The following DMD variants were observed in gnomAD, a reference collection of about 807,000 sequenced individuals.
DMD encodes the protein mutant dystrophin.
A neutral mutation model predicts 330.1 loss-of-function variants in DMD; 63 were observed. The ratio of observed to expected loss-of-function variants is 0.19; its 90% CI spans 0.16 to 0.24. The LOEUF (loss-of-function observed/expected upper bound fraction) is 0.24. Ranked by LOEUF, DMD falls within the 10% of genes least tolerant of loss-of-function variation. The probability of loss-of-function intolerance (pLI) is 1.00; values close to 1 mark genes in which losing one functional copy is unlikely to be tolerated. For synonymous variants in DMD, 1,223 were observed against 959.8 expected (o/e 1.27, Z -5.07); for missense variants, 3,344 against 2,684.1 (o/e 1.25, Z -5.43).
intron 2 of DMD, among the ~76,000 whole-genome samples, chrX:32,851,260 C>CAA (rs71917620): frequency 0.076 from 8,526 of 111,458 alleles, 775 homozygotes; most frequent in African/African-American, 0.26. Context: ...CCGGGTACTT[C>CAA]AAGCAGGGAA....
intron 76 of DMD, among the ~76,000 whole-genome samples, chrX:31,144,026 G>A (rs2036393154): frequency 8.9e-6 from 1 of 111,851 alleles, no homozygotes; most frequent in South Asian, 3.8e-4. Flanking sequence ...ATCTGACACA[G>A]AGATTGCCTT....
intron 50 of DMD, among the ~76,000 whole-genome samples, chrX:31,806,250 G>T (rs997469415): frequency 7.2e-5 from 8 of 111,422 alleles, no homozygotes; most frequent in African/African-American, 2.6e-4. Flanking sequence ...TGTCTTCCAA[G>T]ATTCAAATGG....
At chrX:32,808,091 T>A (rs960185645) in intron 7 of DMD, among the ~76,000 whole-genome samples, 1 of 111,437 alleles carries the variant, frequency 9.0e-6, no homozygotes, top group Non-Finnish European at 1.9e-5. Context: ...GTACTACGAG[T>A]CAATAGTAAA....
At chrX:31,717,151 C>A (rs1489066299) in intron 52 of DMD, among the ~76,000 whole-genome samples, 1 of 111,582 alleles carries the variant, frequency 9.0e-6, no homozygotes, top group African/African-American at 3.3e-5. Context: ...GTATAAAGCA[C>A]AGCACAAATC....
chrX:31,895,002 CT>C (rs1482312131), intron 47 of DMD, among the ~76,000 whole-genome samples: 2 of 111,670 alleles, frequency 1.8e-5, no homozygotes, highest in Non-Finnish European at 3.8e-5. Context: ...TATTTAGGGC[CT>C]TTTATATGCC....
chrX:31,512,418 G>C (rs2071713779), intron 55 of DMD, among the ~76,000 whole-genome samples: 1 of 103,983 alleles, frequency 9.6e-6, no homozygotes, highest in African/African-American at 3.5e-5. Context: ...CCATGCCTAT[G>C]TCCTGAATGG....
At chrX:32,756,156 AG>A (rs1374183035) in intron 7 of DMD, 1 of 112,473 alleles carries the variant, frequency 8.9e-6, no homozygotes, top group South Asian at 3.7e-4. Flanking sequence ...TTTGTTCCAC[AG>A]AAGAAAGAAT....
chrX:31,648,705 C>T (rs1309779681), intron 54 of DMD, among the ~76,000 whole-genome samples: 3 of 99,172 alleles, frequency 3.0e-5, no homozygotes, highest in Non-Finnish European at 6.0e-5. Flanking sequence ...AAATGACATC[C>T]CTTTTTAGGG....
chrX:32,429,398 T>TTTTTTTTTTTTTTA (rs2098228249), intron 29 of DMD, among the ~76,000 whole-genome samples: 1 of 80,609 alleles, frequency 1.2e-5, no homozygotes, highest in Non-Finnish European at 2.4e-5. Flanking sequence ...TTTTTTTTTT[T>TTTTTTTTTTTTTTA]TTTTTTTTTT....
intron 67 of DMD, among the ~76,000 whole-genome samples, chrX:31,189,010 CT>C (rs1238111781): frequency 9.1e-6 from 1 of 109,942 alleles, no homozygotes; most frequent in Non-Finnish European, 1.9e-5. Context: ...TTCCGAAGAA[CT>C]TTTGGATTTC....
At chrX:32,354,025 G>A (rs981299337) in intron 37 of DMD, among the ~76,000 whole-genome samples, 2 of 111,488 alleles carry the variant, frequency 1.8e-5, no homozygotes, top group African/African-American at 3.2e-5. Context: ...ATTGTAAATT[G>A]AAAGCATTCA....
At chrX:33,027,452 G>GA (rs1254159568) in intron 1 of DMD, among the ~76,000 whole-genome samples, 8 of 112,476 alleles carry the variant, frequency 7.1e-5, no homozygotes, top group Non-Finnish European at 1.1e-4. Flanking sequence ...CTGACCTGCA[G>GA]AACTGTCTGA....
chrX:32,401,547 GATCCTT>G (rs1262723456), intron 30 of DMD, among the ~76,000 whole-genome samples: 1 of 111,096 alleles, frequency 9.0e-6, no homozygotes, highest in East Asian at 2.9e-4. Context: ...AGAGTAGAAG[GATCCTT>G]ACTAGAGGCT....
chrX:32,206,361 G>C, intron 44 of DMD: 2 of 516,525 alleles, frequency 3.9e-6, no homozygotes, highest in Non-Finnish European at 7.0e-6. Flanking sequence ...AGTAAAACTT[G>C]CTGCTGATGA....
intron 9 of DMD, among the ~76,000 whole-genome samples, chrX:32,682,416 G>A (rs1415691602): frequency 9.0e-6 from 1 of 111,531 alleles, no homozygotes. Context: ...TCATTAGGTA[G>A]TCTATACTTA....
At chrX:31,844,271 C>T (rs1044238674) in intron 48 of DMD, among the ~76,000 whole-genome samples, 29 of 105,121 alleles carry the variant, frequency 2.8e-4, no homozygotes, top group Non-Finnish European at 5.0e-4. Flanking sequence ...ATCCCAGCAC[C>T]GTTTATTGAG....
At chrX:32,132,146 T>C (rs2096698793) in intron 44 of DMD, among the ~76,000 whole-genome samples, 1 of 111,742 alleles carries the variant, frequency 8.9e-6, no homozygotes, top group Non-Finnish European at 1.9e-5. Flanking sequence ...AAAAATACAA[T>C]ATTAATAGAT....
chrX:33,319,067 T>C (rs746524530), intron 1 of DMD, among the ~76,000 whole-genome samples: 2 of 109,209 alleles, frequency 1.8e-5, no homozygotes, highest in Non-Finnish European at 3.8e-5. Flanking sequence ...CCAGCTCGCC[T>C]CTTCATCATA....
intron 13 of DMD, among the ~76,000 whole-genome samples, chrX:32,590,195 A>G (rs1017317639): frequency 6.2e-5 from 7 of 112,285 alleles, no homozygotes; most frequent in African/African-American, 2.3e-4. Flanking sequence ...TAGTTCTTAG[A>G]AAACTATCTC....
Sources: allele counts gnomAD v4.1 joint callset (sites outside exome capture counted in the v4.1 genomes callset), GRCh38; gene constraint gnomAD v4.1.1; transcripts MANE v1.5; gene names NCBI Gene and HGNC (gene_info 2026-07-23, HGNC 2026-07-21).